The following ZNF407 variants were observed in gnomAD, a reference collection of about 807,000 sequenced individuals.
ZNF407 encodes the protein zinc finger protein 407.
Under a neutral mutation model 131.2 loss-of-function variants are expected in ZNF407, and 17 were observed. That is an observed-to-expected ratio of 0.13 (90% CI 0.09 to 0.19). The LOEUF is 0.19. ZNF407 is among the 10% of genes least tolerant of loss of function. ZNF407 has a pLI of 1.00. For synonymous variants in ZNF407, 1,156 were observed against 1,062.0 expected, an observed-to-expected ratio of 1.09 and a Z score of -1.72; for missense variants, 2,681 against 2,830.6, an observed-to-expected ratio of 0.95 and a Z score of 1.20.
chr18:74,629,909 T>C (rs1474578645), intron 1 of ZNF407, among the ~76,000 whole-genome samples: 1 of 152,166 alleles, frequency 6.6e-6, no homozygotes, highest in Non-Finnish European at 1.5e-5. Flanking sequence ...AATTCTTTTT[T>C]TTCTCAAAAT....
At chr18:75,000,375 C>T (rs189923148) in intron 8 of ZNF407, among the ~76,000 whole-genome samples, 40 of 152,266 alleles carry the variant, frequency 2.6e-4, no homozygotes, top group African/African-American at 9.6e-4. Context: ...TGTAAATATA[C>T]TAATATTATA....
At chr18:74,695,903 T>A (rs1967343465) in intron 3 of ZNF407, among the ~76,000 whole-genome samples, 1 of 152,208 alleles carries the variant, frequency 6.6e-6, no homozygotes, top group Admixed American at 6.6e-5. Flanking sequence ...ATTATGAGAC[T>A]ACGGTGTAGT....
intron 8 of ZNF407, among the ~76,000 whole-genome samples, chr18:75,003,153 G>T (rs1972867876): frequency 6.6e-6 from 1 of 152,172 alleles, no homozygotes; most frequent in African/African-American, 2.4e-5. Flanking sequence ...AATTATTTCA[G>T]AATTATTTCG....
intron 8 of ZNF407, among the ~76,000 whole-genome samples, chr18:75,015,020 T>C (rs1973026353): frequency 6.6e-6 from 1 of 152,098 alleles, no homozygotes; most frequent in African/African-American, 2.4e-5. Flanking sequence ...AAACAGTAGA[T>C]TATACATTCC....
intron 8 of ZNF407, among the ~76,000 whole-genome samples, chr18:75,036,177 C>T (rs747976087): frequency 6.6e-6 from 1 of 152,204 alleles, no homozygotes; most frequent in South Asian, 2.1e-4. Context: ...ACTGAGAGTT[C>T]TGAAAACCCA....
At chr18:74,684,727 A>T (rs546830977) in intron 3 of ZNF407, among the ~76,000 whole-genome samples, 13 of 152,342 alleles carry the variant, frequency 8.5e-5, no homozygotes, top group African/African-American at 3.1e-4. Flanking sequence ...GCTTCTGTGA[A>T]TGGCAAAGGT....
At chr18:74,645,906 C>T (rs1230411318) in intron 3 of ZNF407, among the ~76,000 whole-genome samples, 2 of 152,148 alleles carry the variant, frequency 1.3e-5, no homozygotes, top group Non-Finnish European at 2.9e-5. Flanking sequence ...GCATTAGCAA[C>T]TTCATTGGAA....
At chr18:74,654,774 A>T (rs1985378532) in intron 3 of ZNF407, among the ~76,000 whole-genome samples, 1 of 151,850 alleles carries the variant, frequency 6.6e-6, no homozygotes. Flanking sequence ...AAGCACAAAG[A>T]ATACTGGTTT....
At chr18:75,061,434 C>G (rs1973632008) in intron 8 of ZNF407, 1 of 152,204 alleles carries the variant, frequency 6.6e-6, no homozygotes, top group Non-Finnish European at 1.5e-5. Flanking sequence ...ATTTCCAGCC[C>G]TGTTTTATCC....
At chr18:74,993,375 A>G (rs1386165863) in intron 8 of ZNF407, among the ~76,000 whole-genome samples, 1 of 152,188 alleles carries the variant, frequency 6.6e-6, no homozygotes, top group East Asian at 1.9e-4. Flanking sequence ...GTGCTAAGCA[A>G]AAGCGCAGAC....
chr18:74,794,199 G>A (rs1434242639), intron 4 of ZNF407, among the ~76,000 whole-genome samples: 6 of 152,232 alleles, frequency 3.9e-5, no homozygotes, highest in South Asian at 2.1e-4. Context: ...CCTCTCTGCC[G>A]CATACATGAT....
At chr18:74,814,791 G>T (rs766310643) in intron 4 of ZNF407, among the ~76,000 whole-genome samples, 1 of 151,948 alleles carries the variant, frequency 6.6e-6, no homozygotes, top group Non-Finnish European at 1.5e-5. Context: ...TTATTCTTGT[G>T]TATTTGTTAG....
chr18:74,699,800 A>G (rs555319801), intron 3 of ZNF407, among the ~76,000 whole-genome samples: 2 of 152,332 alleles, frequency 1.3e-5, no homozygotes, highest in East Asian at 3.9e-4. Context: ...ACTTTAAGTA[A>G]TAGGTCCAGT....
intron 4 of ZNF407, among the ~76,000 whole-genome samples, chr18:74,790,279 GCCTCTTATATAGA>G (rs1969801579): frequency 6.6e-6 from 1 of 151,972 alleles, no homozygotes; most frequent in Non-Finnish European, 1.5e-5. Flanking sequence ...TCATTCTCTT[GCCTCTTATATAGA>G]AATAAGATAA....
intron 4 of ZNF407, among the ~76,000 whole-genome samples, chr18:74,785,864 ACACGTCACT>A (rs1358243479): frequency 1.1e-4 from 16 of 151,378 alleles, no homozygotes; most frequent in African/African-American, 2.4e-4. Context: ...CACATGGCAC[ACACGTCACT>A]CACATGGCAC....
intron 4 of ZNF407, among the ~76,000 whole-genome samples, chr18:74,800,759 C>G (rs1970006250): frequency 6.6e-6 from 1 of 151,976 alleles, no homozygotes; most frequent in Non-Finnish European, 1.5e-5. Context: ...GAATGGAAGC[C>G]CAGTGTCTCA....
chr18:74,804,277 T>C lies in ZNF407; in HGVS notation c.4877+22775T>C, dbSNP rs984640631. The C allele has an allele frequency of 2.5e-6, 3 of 1,198,108 alleles. No individual in the cohort carries two copies. In the African/African-American group the frequency reaches 4.7e-5, roughly 19 times the overall value. The allele number at this position is 1,198,108 out of a possible 1,614,324, so 74.2% of individuals were successfully genotyped here. ...ATTTTAAAAATTGAGTACTCAGTTT[T>C]ATAAAATTGTCATCATCAATGAGTT... On this transcript the variant is annotated intron_variant, in intron 4 of 8. Transcript: ENST00000299687.
intron 3 of ZNF407, among the ~76,000 whole-genome samples, chr18:74,674,619 C>G (rs1986282841): frequency 6.6e-6 from 1 of 152,172 alleles, no homozygotes; most frequent in South Asian, 2.1e-4. Context: ...CTACCACTAT[C>G]TCTACCTAAC....
At chr18:74,717,425 ATCAAAC>A (rs1236121728) in intron 3 of ZNF407, among the ~76,000 whole-genome samples, 1 of 152,204 alleles carries the variant, frequency 6.6e-6, no homozygotes, top group Non-Finnish European at 1.5e-5. Context: ...TTCAAAATGA[ATCAAAC>A]TATAAAATTC....
Sources: allele counts gnomAD v4.1 joint callset (sites outside exome capture counted in the v4.1 genomes callset), GRCh38; gene constraint gnomAD v4.1.1; transcripts MANE v1.5; gene names NCBI Gene and HGNC (gene_info 2026-07-23, HGNC 2026-07-21).